The following CELSR1 variants were observed in gnomAD, a reference collection of about 807,000 sequenced individuals.
CELSR1 encodes adhesion G protein-coupled receptor C1.
A neutral mutation model predicts 249.1 loss-of-function variants in CELSR1; 110 were observed. That is an observed-to-expected ratio of 0.44 (90% CI 0.38 to 0.52). The LOEUF (loss-of-function observed/expected upper bound fraction) is 0.52, where lower values mean the gene tolerates loss of function less well. Among genes scored for constraint, CELSR1 ranks in the 20% least tolerant of loss-of-function variants. The pLI is 0.00. For missense variants in CELSR1, 4,109 were observed against 4,296.4 expected (o/e 0.96, Z 1.22); for synonymous variants, 2,113 against 1,900.0 (o/e 1.11, Z -2.92).
rs76592488 is a variant in CELSR1, at chr22:46,362,634, C to T, written c.*589G>A. ...GCAAGAGATCATTGCATGGATCTCT[C>T]GGGATAACAAAGTCAGCACGAATGC... On this transcript the variant is annotated 3_prime_UTR_variant, in exon 35 of 35. Transcript: ENST00000674500. 4,794 of 153,830 alleles carry T rather than the reference C, an allele frequency of 0.031. 266 individuals carry two copies. The highest frequency in any genetic ancestry group is 0.11 in the African/African-American group (4,456 of 41,594). 9.5% of individuals were successfully genotyped at this position (153,830 alleles called of 1,614,324 possible).
Position 46,434,736 on chromosome 22 carries a change from T to C in CELSR1, c.4523-1255A>G, listed in dbSNP as rs1184156918. ...GCCAGGCTGAGCCTGGTGGCTCACA[T>C]CTGTAATCCCAGCACTTTGGGAGGC... On this transcript the variant is annotated intron_variant, in intron 4 of 34. Transcript: ENST00000674500. This position sits in a 1 kb window ranked among gnomAD's most constrained non-coding sequence, Gnocchi z 4.9. Among the ~76,000 whole-genome samples the C allele has an allele frequency of 6.6e-6, 1 of 152,096 alleles. No homozygotes were observed. The highest frequency in any genetic ancestry group is 6.5e-5 in the Admixed American group (1 of 15,272).
chr22:46,515,984 C>T (rs555954754), intron 1 of CELSR1, among the ~76,000 whole-genome samples: 7 of 152,272 alleles, frequency 4.6e-5, no homozygotes, highest in Admixed American at 2.0e-4. Context: ...TGTGGAGAAA[C>T]AGGAACACTT....
chr22:46,385,827 A>G lies in CELSR1; in HGVS notation c.6739+575T>C, dbSNP rs532159137. Among the ~76,000 whole-genome samples the G allele has an allele frequency of 2.3e-3, 342 of 151,960 alleles. 1 individual carries two copies. The highest frequency in any genetic ancestry group is 7.8e-3 in the African/African-American group (325 of 41,424). ...CGAGTAGCTGGGACTACAAACGCCC[A>G]CCACCACGACCGGCTACTTTTTTGT... On this transcript the variant is annotated intron_variant, in intron 19 of 34. Coordinates refer to ENST00000674500, the MANE Select transcript of CELSR1 (RefSeq NM_001378328.1).
At chr22:46,414,103 C>A (rs1399943909) in intron 5 of CELSR1, among the ~76,000 whole-genome samples, 1 of 152,180 alleles carries the variant, frequency 6.6e-6, no homozygotes, top group Non-Finnish European at 1.5e-5. Context: ...CCAATGCAAT[C>A]CACGCTTGTT....
intron 1 of CELSR1, among the ~76,000 whole-genome samples, chr22:46,509,967 G>T (rs1372549198): frequency 6.6e-6 from 1 of 152,184 alleles, no homozygotes; most frequent in African/African-American, 2.4e-5. Flanking sequence ...GACAAGGCTG[G>T]GGACTTCATG....
rs1167606621 is a variant in CELSR1, at chr22:46,381,148, A to T, written c.7089-193T>A. ...AGGTTTTATCACTGACAGGGCACAC[A>T]GAGAGAGGTGTCACCTTTGGGTCAA... On this transcript the variant is annotated intron_variant, in intron 21 of 34. Transcript: ENST00000674500. The surrounding 1 kb of genome is among the most constrained non-coding windows in gnomAD (Gnocchi z 6.0). 6.6e-6 allele frequency among the ~76,000 whole-genome samples: 1 copy of T among 152,200 alleles called. No homozygotes were observed. Among genetic ancestry groups the T allele is most frequent in the Admixed American group, 6.5e-5 (1 of 15,286 alleles).
intron 2 of CELSR1, among the ~76,000 whole-genome samples, chr22:46,453,671 G>C (rs889201877): frequency 2.0e-5 from 3 of 152,170 alleles, no homozygotes; most frequent in Non-Finnish European, 4.4e-5. Context: ...AGAGAGCAGA[G>C]AACACTCGCC....
intron 19 of CELSR1, among the ~76,000 whole-genome samples, chr22:46,385,582 C>G (rs1259604809): frequency 6.6e-6 from 1 of 152,178 alleles, no homozygotes; most frequent in African/African-American, 2.4e-5. Flanking sequence ...TAGCCCGGGA[C>G]CTGTCCCCTG....
rs578162171 is a variant in CELSR1 at position 46,454,972 on chromosome 22, G to A, written c.4183+8735C>T. On this transcript the variant is annotated intron_variant, in intron 2 of 34. Coordinates refer to ENST00000674500, the MANE Select transcript of CELSR1 (RefSeq NM_001378328.1). The surrounding 1 kb of genome is among the most constrained non-coding windows in gnomAD (Gnocchi z 5.1). ...AATCGACTTAGGATGAGATCATTAGGGTGGGTCCTAATCCAGTGACCGGTG... is the reference window on the plus strand; with the variant it reads ...AATCGACTTAGGATGAGATCATTAGAGTGGGTCCTAATCCAGTGACCGGTG... Among the ~76,000 whole-genome samples the A allele has an allele frequency of 9.8e-5, 15 of 152,320 alleles. No homozygotes were observed. Among genetic ancestry groups the A allele is most frequent in the Admixed American group, 3.3e-4 (5 of 15,302 alleles).
intron 4 of CELSR1, among the ~76,000 whole-genome samples, chr22:46,435,459 T>C (rs2079648802): frequency 6.6e-6 from 1 of 151,292 alleles, no homozygotes; most frequent in Admixed American, 6.6e-5. Flanking sequence ...TTTTTGTATT[T>C]TCAGTAGAGA....
At chr22:46,479,942 C>T (rs569104424) in intron 1 of CELSR1, among the ~76,000 whole-genome samples, 15 of 152,248 alleles carry the variant, frequency 9.9e-5, no homozygotes, top group African/African-American at 2.9e-4. Flanking sequence ...GGGTTTGTCT[C>T]GACTGGACTC....
At chr22:46,501,618 G>C (rs1321968103) in intron 1 of CELSR1, among the ~76,000 whole-genome samples, 1 of 152,216 alleles carries the variant, frequency 6.6e-6, no homozygotes, top group African/African-American at 2.4e-5. Flanking sequence ...CCTGAAAGCT[G>C]AAAACAAGCT....
rs1265163469 is a variant in CELSR1 at position 46,488,988 on chromosome 22, T to A, written c.3545-24643A>T. Among the ~76,000 whole-genome samples, 1 of 152,040 alleles carries A rather than the reference T, an allele frequency of 6.6e-6. No individual in the cohort carries two copies. The highest frequency in any genetic ancestry group is 2.4e-5 in the African/African-American group (1 of 41,414). On this transcript the variant is annotated intron_variant, in intron 1 of 34. Transcript: ENST00000674500. This position sits in a 1 kb window ranked among gnomAD's most constrained non-coding sequence, Gnocchi z 4.7. ...CCTGCCCTTTTGAGCATGCAGCAGT[T>A]GGGGTCACCGTGGCAGTAAGGGACA...
At chr22:46,435,272 A>G (rs1229797908) in intron 4 of CELSR1, among the ~76,000 whole-genome samples, 4 of 147,834 alleles carry the variant, frequency 2.7e-5, no homozygotes, top group African/African-American at 1.0e-4. Flanking sequence ...AAAAAAAAAA[A>G]AAAAAAATTT....
chr22:46,509,415 T>C (rs901524527), intron 1 of CELSR1, among the ~76,000 whole-genome samples: 17 of 152,092 alleles, frequency 1.1e-4, no homozygotes, highest in African/African-American at 4.1e-4. Context: ...ACCCACAGGC[T>C]ACTGTTCTGT....
chr22:46,460,211 A>ACACCCCCC (rs1555922665), intron 2 of CELSR1, among the ~76,000 whole-genome samples: 24 of 148,868 alleles, frequency 1.6e-4, no homozygotes, highest in African/African-American at 5.0e-4. Context: ...ACACACACAC[A>ACACCCCCC]CACACCCATT....
rs922760420 is a variant in CELSR1, at chr22:46,436,659, G to A, written c.4407-370C>T. Among the ~76,000 whole-genome samples, 1 of 152,128 alleles carries A rather than the reference G, an allele frequency of 6.6e-6. No individual in the cohort carries two copies. The highest frequency in any genetic ancestry group is 2.4e-5 in the African/African-American group (1 of 41,426). ...GCTGTGAACAGATCCCCCCGTGTGTGCGCCAGGGCATGGGGACCTGGTACC... is the reference window on the plus strand; with the variant it reads ...GCTGTGAACAGATCCCCCCGTGTGTACGCCAGGGCATGGGGACCTGGTACC... On this transcript the variant is annotated intron_variant, in intron 3 of 34. Coordinates refer to ENST00000674500, the MANE Select transcript of CELSR1 (RefSeq NM_001378328.1). The surrounding 1 kb of genome is among the most constrained non-coding windows in gnomAD (Gnocchi z 5.9).
chr22:46,420,960 T>C (rs1320681293), intron 5 of CELSR1, among the ~76,000 whole-genome samples: 1 of 151,954 alleles, frequency 6.6e-6, no homozygotes, highest in Admixed American at 6.6e-5. Flanking sequence ...GCGACAGCCC[T>C]CGGATGGCAC....
intron 1 of CELSR1, among the ~76,000 whole-genome samples, chr22:46,493,961 G>C (rs1448405865): frequency 1.3e-5 from 2 of 152,116 alleles, no homozygotes; most frequent in East Asian, 3.8e-4. Context: ...CTCCGAGTAA[G>C]ATGAGATTGT....
Sources: gnomAD v4.1 joint callset for allele counts (sites outside exome capture counted in the v4.1 genomes callset) on GRCh38, gnomAD v4.1.1 for gene constraint, Gnocchi (gnomAD v3.1) non-coding constraint, MANE v1.5 for transcripts, NCBI Gene and HGNC (gene_info 2026-07-23, HGNC 2026-07-21) for gene names.